SH3D19: variants seen among roughly 807,000 people sequenced by gnomAD.
The protein encoded by SH3D19 is SH3 domain-containing protein 19.
SH3D19 carries 58 observed loss-of-function variants against 112.1 expected under a neutral mutation model. The observed-to-expected ratio is 0.52, with a 90% CI of 0.42 to 0.64. The LOEUF (loss-of-function observed/expected upper bound fraction) is 0.64. SH3D19 is among the 30% of genes least tolerant of loss of function. SH3D19 has a pLI of 0.00. For synonymous variants in SH3D19, 391 were observed against 448.5 expected (o/e 0.87, Z 1.62); for missense variants, 1,090 against 1,263.4 (o/e 0.86, Z 2.08).
chr4:151,324,088 C>T (rs1197633582), intron 1 of SH3D19, among the ~76,000 whole-genome samples: 2 of 152,196 alleles, frequency 1.3e-5, no homozygotes, highest in African/African-American at 4.8e-5. Context: ...TTCATATAGA[C>T]AGCCAAATGC....
At chr4:151,160,087 CTTT>C (rs1203320024) in intron 8 of SH3D19, among the ~76,000 whole-genome samples, 4 of 137,498 alleles carry the variant, frequency 2.9e-5, no homozygotes, top group Admixed American at 7.3e-5. Context: ...TGTTTTATTT[CTTT>C]TTTTTTTTTT....
At chr4:151,137,122 A>G (rs1752034671) in intron 14 of SH3D19, among the ~76,000 whole-genome samples, 1 of 152,226 alleles carries the variant, frequency 6.6e-6, no homozygotes, top group African/African-American at 2.4e-5. Context: ...CAGCTCTCAC[A>G]CATAGGAATG....
chr4:151,144,369 G>A, intron 11 of SH3D19: 2 of 1,307,110 alleles, frequency 1.5e-6, no homozygotes, highest in Non-Finnish European at 2.2e-6. Flanking sequence ...AATTTGGCAT[G>A]TGTGTGCCTA....
chr4:151,323,255 A>G (rs575897207), intron 1 of SH3D19, among the ~76,000 whole-genome samples: 2 of 152,266 alleles, frequency 1.3e-5, no homozygotes, highest in East Asian at 3.9e-4. Context: ...AGAGAAAAGG[A>G]AACTCTTTAG....
chr4:151,203,232 G>A (rs907937989), intron 2 of SH3D19, among the ~76,000 whole-genome samples: 3 of 152,146 alleles, frequency 2.0e-5, no homozygotes, highest in African/African-American at 7.2e-5. Flanking sequence ...ATCGCCACCA[G>A]CCCTTTCCCA....
intron 1 of SH3D19, among the ~76,000 whole-genome samples, chr4:151,285,262 A>T (rs1366912890): frequency 6.6e-6 from 1 of 152,184 alleles, no homozygotes; most frequent in Non-Finnish European, 1.5e-5. Context: ...TCCCATAAGA[A>T]ATTTTAAAAA....
At position 151,162,733 on chromosome 4, in the gene SH3D19, C is replaced by A. The variant is rs1197450361; in HGVS notation, c.1642+2856G>T. ...CATCAGCCAAGCGCATGCCACCATG[C>A]CCGGCTTATTTTTGTATTTCTAGTA... is the stretch of plus-strand genomic sequence containing the variant. On this transcript the variant is annotated intron_variant, in intron 8 of 19. Coordinates refer to ENST00000604030, the MANE Select transcript of SH3D19 (RefSeq NM_001378122.1). Among the ~76,000 whole-genome samples, 3 of 151,772 alleles carry A rather than the reference C, an allele frequency of 2.0e-5. No homozygotes were observed. In the East Asian group the frequency reaches 5.8e-4, roughly 30 times the overall value.
In SH3D19 at chr4:151,325,218, G is replaced by C. The variant is rs1203188361; in HGVS notation, c.112+23C>G. 3 of 1,196,692 alleles carry C rather than the reference G, an allele frequency of 2.5e-6. No homozygotes were observed. In the Admixed American group the frequency reaches 1.3e-4, roughly 52 times the overall value. The allele number at this position is 1,196,692 out of a possible 1,614,324, so 74.1% of individuals were successfully genotyped here. On this transcript the variant is annotated intron_variant, in intron 1 of 19. Transcript: ENST00000604030. ...GAGCGCGCAGCTCTGGGTCCCCGCC[G>C]CCCCGTCCCCCGCGCCTCTCACCTG... is the stretch of plus-strand genomic sequence containing the variant.
chr4:151,280,054 T>TTAG, intron 1 of SH3D19: 1 of 872,648 alleles, frequency 1.1e-6, no homozygotes, highest in Non-Finnish European at 1.7e-6. Flanking sequence ...AGTGGTAAAA[T>TTAG]AGGCAGGGCG....
intron 1 of SH3D19, among the ~76,000 whole-genome samples, chr4:151,320,810 C>T (rs1436722449): frequency 6.6e-6 from 1 of 152,134 alleles, no homozygotes; most frequent in Non-Finnish European, 1.5e-5. Context: ...GAGGCCAAGG[C>T]AGGCGGGTCA....
At chr4:151,267,688 AG>A (rs1166567071) in intron 1 of SH3D19, among the ~76,000 whole-genome samples, 1 of 152,244 alleles carries the variant, frequency 6.6e-6, no homozygotes, top group Non-Finnish European at 1.5e-5. Context: ...AAAATAGGGA[AG>A]AATTCCTTTA....
At chr4:151,128,801 G>A (rs1457345621) in intron 17 of SH3D19, among the ~76,000 whole-genome samples, 4 of 151,676 alleles carry the variant, frequency 2.6e-5, no homozygotes, top group East Asian at 1.9e-4. Context: ...CACCACACTC[G>A]GCTATTTAAT....
At chr4:151,188,603 A>G (rs1318388066) in intron 2 of SH3D19, among the ~76,000 whole-genome samples, 1 of 152,192 alleles carries the variant, frequency 6.6e-6, no homozygotes, top group Non-Finnish European at 1.5e-5. Context: ...GGGATACTCA[A>G]TCTTAATATG....
intron 2 of SH3D19, among the ~76,000 whole-genome samples, chr4:151,191,945 C>CTT (rs774312602): frequency 3.6e-5 from 1 of 28,104 alleles, no homozygotes; most frequent in East Asian, 2.4e-3. Context: ...ACACCCAGCC[C>CTT]TTTTTTTTTT....
intron 9 of SH3D19, among the ~76,000 whole-genome samples, chr4:151,153,587 T>C (rs137913441): frequency 1.3e-5 from 2 of 152,232 alleles, no homozygotes; most frequent in African/African-American, 4.8e-5. Context: ...CAAAATTCAT[T>C]CAGTAATTGT....
intron 1 of SH3D19, among the ~76,000 whole-genome samples, chr4:151,310,410 G>T (rs1729334965): frequency 6.6e-6 from 1 of 151,952 alleles, no homozygotes; most frequent in African/African-American, 2.4e-5. Flanking sequence ...GATATGTGTT[G>T]GCAAGGATGT....
At chr4:151,263,890 C>T (rs146501538) in intron 1 of SH3D19, among the ~76,000 whole-genome samples, 236 of 152,268 alleles carry the variant, frequency 1.5e-3, no homozygotes, top group Admixed American at 2.8e-3. Context: ...ACTGCAGCCT[C>T]GACCACCTGG....
chr4:151,214,499 G>A (rs1219572079), intron 2 of SH3D19, among the ~76,000 whole-genome samples: 1 of 129,404 alleles, frequency 7.7e-6, no homozygotes, highest in Admixed American at 7.6e-5. Flanking sequence ...GCGGCTGGCC[G>A]GGCAGAGGGG....
chr4:151,266,381 A>C (rs1432807863), intron 1 of SH3D19: 1 of 152,218 alleles, frequency 6.6e-6, no homozygotes, highest in Non-Finnish European at 1.5e-5. Context: ...GTGGTCTTTC[A>C]GTTTTTGTAA....
Sources: gnomAD v4.1 joint callset for allele counts (sites outside exome capture counted in the v4.1 genomes callset) on GRCh38, gnomAD v4.1.1 for gene constraint, MANE v1.5 for transcripts, NCBI Gene and HGNC (gene_info 2026-07-23, HGNC 2026-07-21) for gene names.